Variants in VPS13B observed in about 807,000 individuals in gnomAD.
VPS13B encodes vacuolar protein sorting 13 homolog B, also known as intermembrane lipid transfer protein VPS13B.
VPS13B carries 285 observed loss-of-function variants against 426.4 expected under a neutral mutation model. That is an observed-to-expected ratio of 0.67 (90% CI 0.61 to 0.74). The LOEUF (loss-of-function observed/expected upper bound fraction) is 0.74, where lower values mean the gene tolerates loss of function less well. VPS13B is among the 30% of genes least tolerant of loss of function. The probability of loss-of-function intolerance (pLI) is 0.00; values close to 1 mark genes in which losing one functional copy is unlikely to be tolerated. For missense variants in VPS13B, 4,537 were observed against 4,782.6 expected (o/e 0.95, Z 1.51); for synonymous variants, 1,676 against 1,676.4 (o/e 1.00, Z 0.01).
intron 43 of VPS13B, among the ~76,000 whole-genome samples, chr8:99,808,802 A>G (rs1350338845): frequency 1.3e-5 from 2 of 151,714 alleles, no homozygotes; most frequent in Non-Finnish European, 2.9e-5. Flanking sequence ...ATAACAAAAA[A>G]AAAAAAGAAC....
At chr8:99,453,148 CAG>C (rs1397008579) in intron 23 of VPS13B, among the ~76,000 whole-genome samples, 2 of 152,150 alleles carry the variant, frequency 1.3e-5, no homozygotes, top group African/African-American at 2.4e-5. Flanking sequence ...ATGAAAAACA[CAG>C]GGGCTGCTTT....
chr8:99,254,317 A>G (rs1817643449), intron 17 of VPS13B, among the ~76,000 whole-genome samples: 2 of 152,082 alleles, frequency 1.3e-5, no homozygotes, highest in Non-Finnish European at 2.9e-5. Context: ...TGCTGAATAT[A>G]GAATTTGGGG....
chr8:99,016,535 T>C (rs912139543), intron 2 of VPS13B, among the ~76,000 whole-genome samples: 22 of 151,362 alleles, frequency 1.5e-4, no homozygotes, highest in Admixed American at 1.2e-3. Context: ...GTCTAAGTCT[T>C]TTTTCCTTTT....
At chr8:99,061,988 A>G (rs1844214252) in intron 3 of VPS13B, among the ~76,000 whole-genome samples, 1 of 152,218 alleles carries the variant, frequency 6.6e-6, no homozygotes, top group Admixed American at 6.5e-5. Context: ...CTGTGTACAC[A>G]AAGGTGCCTA....
intron 30 of VPS13B, among the ~76,000 whole-genome samples, chr8:99,545,256 A>C (rs1009597646): frequency 6.6e-6 from 1 of 152,022 alleles, no homozygotes; most frequent in African/African-American, 2.4e-5. Flanking sequence ...TTTCTGTATC[A>C]CTTGTAGTGT....
At chr8:99,597,149 T>C (rs1431601801) in intron 33 of VPS13B, among the ~76,000 whole-genome samples, 3 of 152,022 alleles carry the variant, frequency 2.0e-5, no homozygotes, top group South Asian at 2.1e-4. Context: ...AGGTAAACAA[T>C]AGTTTCCTAT....
At chr8:99,572,087 A>T (rs1328761973) in intron 31 of VPS13B, among the ~76,000 whole-genome samples, 3 of 152,206 alleles carry the variant, frequency 2.0e-5, no homozygotes, top group Non-Finnish European at 4.4e-5. Context: ...TCATTTTATG[A>T]TATAAGGGAA....
At chr8:99,583,354 A>T (rs941748380) in intron 33 of VPS13B, among the ~76,000 whole-genome samples, 1 of 152,210 alleles carries the variant, frequency 6.6e-6, no homozygotes, top group African/African-American at 2.4e-5. Context: ...ATTAAGTATT[A>T]TTATTTACTA....
intron 24 of VPS13B, among the ~76,000 whole-genome samples, chr8:99,469,279 C>G (rs1381429834): frequency 6.6e-6 from 1 of 151,558 alleles, no homozygotes; most frequent in Non-Finnish European, 1.5e-5. Flanking sequence ...AGCAGTCATC[C>G]CATTTGAACC....
intron 21 of VPS13B, among the ~76,000 whole-genome samples, chr8:99,426,772 C>A (rs1193554224): frequency 3.9e-5 from 4 of 101,364 alleles, no homozygotes; most frequent in South Asian, 4.9e-4. Context: ...TTGTTTTTTT[C>A]TTGTAAATTT....
At chr8:99,793,714 T>A (rs186923651) in intron 43 of VPS13B, among the ~76,000 whole-genome samples, 1 of 152,248 alleles carries the variant, frequency 6.6e-6, no homozygotes, top group Non-Finnish European at 1.5e-5. Flanking sequence ...TGTAAGAGCA[T>A]AACAGAGTAA....
At chr8:99,652,397 A>G (rs1316323238) in intron 34 of VPS13B, among the ~76,000 whole-genome samples, 1 of 152,162 alleles carries the variant, frequency 6.6e-6, no homozygotes, top group Non-Finnish European at 1.5e-5. Context: ...ACAAGGCTCA[A>G]TGACTATTAA....
intron 3 of VPS13B, among the ~76,000 whole-genome samples, chr8:99,049,571 C>T (rs1587962881): frequency 6.6e-6 from 1 of 151,216 alleles, no homozygotes; most frequent in South Asian, 2.1e-4. Flanking sequence ...TAATAGGTTA[C>T]CTTGTGCTTT....
At chr8:99,683,972 T>C (rs545345167) in intron 35 of VPS13B, among the ~76,000 whole-genome samples, 2 of 152,350 alleles carry the variant, frequency 1.3e-5, no homozygotes, top group South Asian at 4.1e-4. Flanking sequence ...AGCTGTAGGC[T>C]TTTCATATAT....
At chr8:99,592,786 C>A (rs1021117854) in intron 33 of VPS13B, among the ~76,000 whole-genome samples, 4 of 152,086 alleles carry the variant, frequency 2.6e-5, no homozygotes, top group African/African-American at 9.7e-5. Flanking sequence ...TGGTCTTTGA[C>A]AAACCTGACA....
chr8:99,206,840 T>G (rs1015280958), intron 17 of VPS13B, among the ~76,000 whole-genome samples: 2 of 152,102 alleles, frequency 1.3e-5, no homozygotes, highest in African/African-American at 4.8e-5. Context: ...TCAAACTACT[T>G]CCCCCAACAC....
intron 16 of VPS13B, among the ~76,000 whole-genome samples, chr8:99,183,190 A>G (rs1004302242): frequency 2.0e-5 from 3 of 152,244 alleles, no homozygotes; most frequent in East Asian, 1.9e-4. Flanking sequence ...TTTTGTTCAT[A>G]TTGTTGCCGT....
At chr8:99,497,871 T>A (rs888911529) in intron 25 of VPS13B, among the ~76,000 whole-genome samples, 1 of 152,164 alleles carries the variant, frequency 6.6e-6, no homozygotes, top group Non-Finnish European at 1.5e-5. Context: ...TCATTTCATA[T>A]TTTTCCTTAA....
At chr8:99,389,639 A>C (rs766265640) in intron 20 of VPS13B, 4 of 152,238 alleles carry the variant, frequency 2.6e-5, no homozygotes, top group Non-Finnish European at 4.4e-5. Context: ...GAAGGTCTTC[A>C]TGTTGAATAG....
Sources: allele counts gnomAD v4.1 joint callset (sites outside exome capture counted in the v4.1 genomes callset), GRCh38; gene constraint gnomAD v4.1.1; transcripts MANE v1.5; gene names NCBI Gene and HGNC (gene_info 2026-07-23, HGNC 2026-07-21).